The following ADK variants were observed in gnomAD, a reference collection of about 807,000 sequenced individuals.
ADK encodes adenosine kinase.
In ADK, 24 loss-of-function variants were observed where a neutral mutation model predicts 44.7. That is an observed-to-expected ratio of 0.54 (90% CI 0.39 to 0.76). The LOEUF (loss-of-function observed/expected upper bound fraction) is 0.76, where lower values mean the gene tolerates loss of function less well. Ranked by LOEUF, ADK falls within the 30% of genes least tolerant of loss-of-function variation. The pLI is 0.00. For missense variants in ADK, 321 were observed against 425.1 expected (o/e 0.76, Z 2.15); for synonymous variants, 128 against 142.6 (o/e 0.90, Z 0.73).
intron 1 of ADK, among the ~76,000 whole-genome samples, chr10:74,177,945 AT>A (rs1158811749): frequency 4.0e-4 from 44 of 108,970 alleles, no homozygotes; most frequent in South Asian, 8.5e-4. Context: ...ATATATATAT[AT>A]TTTTTTTTTT....
chr10:74,322,189 C>T (rs182239589), intron 4 of ADK, among the ~76,000 whole-genome samples: 2 of 152,232 alleles, frequency 1.3e-5, no homozygotes, highest in Admixed American at 6.5e-5. Context: ...TTCTGTGCAT[C>T]GGAACAGTCC....
chr10:74,351,472 G>A (rs1841961975), intron 4 of ADK, among the ~76,000 whole-genome samples: 1 of 152,084 alleles, frequency 6.6e-6, no homozygotes, highest in Admixed American at 6.5e-5. Flanking sequence ...ATACTGAACA[G>A]GCAAAAGCTG....
At chr10:74,280,004 G>A (rs1230232832) in intron 3 of ADK, among the ~76,000 whole-genome samples, 2 of 152,150 alleles carry the variant, frequency 1.3e-5, no homozygotes, top group Non-Finnish European at 2.9e-5. Flanking sequence ...CCCAACCTGG[G>A]TGACAGAGTT....
intron 4 of ADK, among the ~76,000 whole-genome samples, chr10:74,326,758 G>A (rs938798467): frequency 4.0e-5 from 6 of 151,616 alleles, no homozygotes; most frequent in South Asian, 2.1e-4. Flanking sequence ...CTATATCTTC[G>A]TAATTAAATT....
At chr10:74,395,447 A>G (rs1461763037) in intron 5 of ADK, among the ~76,000 whole-genome samples, 2 of 152,148 alleles carry the variant, frequency 1.3e-5, no homozygotes, top group African/African-American at 4.8e-5. Flanking sequence ...GCATTTTCAG[A>G]TCTTTCCTTT....
chr10:74,515,176 G>A (rs1375130510), intron 6 of ADK, among the ~76,000 whole-genome samples: 3 of 152,100 alleles, frequency 2.0e-5, no homozygotes, highest in African/African-American at 7.2e-5. Flanking sequence ...GGTTTGGTGG[G>A]GTACATTAGC....
At chr10:74,342,500 T>A (rs1330860318) in intron 4 of ADK, among the ~76,000 whole-genome samples, 1 of 152,224 alleles carries the variant, frequency 6.6e-6, no homozygotes, top group Non-Finnish European at 1.5e-5. Flanking sequence ...TGAGACAGGC[T>A]CATGCTCTGT....
chr10:74,212,393 T>C (rs1263052234), intron 2 of ADK, among the ~76,000 whole-genome samples: 1 of 152,240 alleles, frequency 6.6e-6, no homozygotes, highest in African/African-American at 2.4e-5. Context: ...ATAACTGTTT[T>C]GCCTTTAAGC....
intron 6 of ADK, among the ~76,000 whole-genome samples, chr10:74,421,118 G>T (rs1027786437): frequency 3.9e-5 from 6 of 152,236 alleles, no homozygotes; most frequent in Middle Eastern, 3.4e-3. Context: ...CAAATGTATG[G>T]CATAACTTCA....
At position 74,175,893 on chromosome 10, in the gene ADK, C is replaced by T. The variant is rs1456261570; in HGVS notation, c.65+24550C>T. Among the ~76,000 whole-genome samples the T allele has an allele frequency of 3.3e-5, 5 of 152,222 alleles. No individual in the cohort carries two copies. The East Asian group carries it at 9.6e-4, about 29-fold the overall frequency. On this transcript the variant is annotated intron_variant, in intron 1 of 10. Transcript: ENST00000539909. ...AGTTAATTTTCCTTTTATTGGTTCACAATTTCTTAACTCTTCAACTGCATT... is the reference window on the plus strand; with the variant it reads ...AGTTAATTTTCCTTTTATTGGTTCATAATTTCTTAACTCTTCAACTGCATT...
At chr10:74,607,512 A>C (rs140017531) in intron 9 of ADK, among the ~76,000 whole-genome samples, 1 of 152,102 alleles carries the variant, frequency 6.6e-6, no homozygotes, top group African/African-American at 2.4e-5. Context: ...CTGGATATGA[A>C]ATTCTGGGTT....
rs138537748 is a variant in ADK at position 74,658,903 on chromosome 10, T to C, written c.878-11280T>C. Among the ~76,000 whole-genome samples the C allele has an allele frequency of 2.5e-3, 387 of 152,042 alleles. 1 individual carries two copies. The highest frequency in any genetic ancestry group is 8.9e-3 in the African/African-American group (370 of 41,454). On this transcript the variant is annotated intron_variant, in intron 9 of 10. Transcript: ENST00000539909. ...ATACACACACACACACACACATATA[T>C]ACACGTGCATATATATATGTGTATA...
intron 6 of ADK, among the ~76,000 whole-genome samples, chr10:74,426,143 C>T (rs1248324308): frequency 6.6e-6 from 1 of 152,038 alleles, no homozygotes; most frequent in African/African-American, 2.4e-5. Context: ...TCTACTATTT[C>T]AGTATATGAT....
chr10:74,426,431 ATC>A (rs1390896925), intron 6 of ADK, among the ~76,000 whole-genome samples: 3 of 152,230 alleles, frequency 2.0e-5, no homozygotes, highest in Non-Finnish European at 4.4e-5. Context: ...TATAAAAGCT[ATC>A]TGTTTTTATA....
chr10:74,259,224 T>C (rs12243059), intron 3 of ADK, among the ~76,000 whole-genome samples: 111,391 of 151,190 alleles, frequency 0.74, 41,715 homozygotes, highest in Middle Eastern at 0.85. Flanking sequence ...GGATTACAGG[T>C]GTGAGCCACT....
intron 4 of ADK, among the ~76,000 whole-genome samples, chr10:74,322,781 TCTC>T (rs1195298159): frequency 3.3e-5 from 5 of 151,190 alleles, no homozygotes; most frequent in African/African-American, 7.3e-5. Flanking sequence ...TTCCCTTCTT[TCTC>T]CTCCTCCTCC....
At chr10:74,338,145 A>C (rs1359516543) in intron 4 of ADK, among the ~76,000 whole-genome samples, 2 of 152,034 alleles carry the variant, frequency 1.3e-5, no homozygotes, top group Non-Finnish European at 2.9e-5. Flanking sequence ...CAAAAACTTA[A>C]ATGATAAAAA....
Position 74,652,706 on chromosome 10 carries a change from A to G in ADK, c.878-17477A>G, listed in dbSNP as rs112078901. ...ACCTGGGAGGCAGAGGTTGCAGTGA[A>G]CTGAGATCGCACCACTGCACTCCAG... On this transcript the variant is annotated intron_variant, in intron 9 of 10. Transcript: ENST00000539909. Among the ~76,000 whole-genome samples, 3 of 151,560 alleles carry G rather than the reference A, an allele frequency of 2.0e-5. No individual in the cohort carries two copies. In the East Asian group the frequency reaches 5.9e-4, roughly 30 times the overall value.
chr10:74,691,816 G>A (rs955276689), intron 10 of ADK, among the ~76,000 whole-genome samples: 1 of 151,882 alleles, frequency 6.6e-6, no homozygotes, highest in African/African-American at 2.4e-5. Flanking sequence ...TTTTTTAATT[G>A]AAAAATATTT....
Sources: allele counts gnomAD v4.1 joint callset (sites outside exome capture counted in the v4.1 genomes callset), GRCh38; gene constraint gnomAD v4.1.1; transcripts MANE v1.5; gene names NCBI Gene and HGNC (gene_info 2026-07-23, HGNC 2026-07-21).